Variants in MMAB observed in about 807,000 individuals in gnomAD.
MMAB encodes the protein metabolism of cobalamin associated B, also known as corrinoid adenosyltransferase MMAB.
In MMAB, 17 loss-of-function variants were observed where a neutral mutation model predicts 30.6. The observed-to-expected ratio is 0.56, with a 90% CI of 0.38 to 0.83. The LOEUF (loss-of-function observed/expected upper bound fraction) is 0.83, where lower values mean the gene tolerates loss of function less well. Ranked by LOEUF, MMAB falls within the 40% of genes least tolerant of loss-of-function variation. The pLI is 0.00. For synonymous variants in MMAB, 134 were observed against 138.6 expected (o/e 0.97, Z 0.23); for missense variants, 311 against 331.6 (o/e 0.94, Z 0.48).
intron 2 of MMAB, 43 bp downstream of exon 2, chr12:109,571,606 G>A: frequency 6.5e-7 from 1 of 1,548,562 alleles, no homozygotes; most frequent in South Asian, 1.1e-5. Flanking sequence ...AATGGTGTAT[G>A]CCATGAGTAT....
chr12:109,561,078 C>A lies in MMAB; in HGVS notation c.546G>T (p.Leu182=), dbSNP rs1884180044. The change falls in exon 7 of 9, where the codon CTG becomes CTT. Residue 182 remains leucine (L), a synonymous_variant. Transcript: ENST00000545712. The surrounding 1 kb of genome is among the most constrained non-coding windows in gnomAD (Gnocchi z 5.3). ...LPSGGKISSA[L]HFCRAVCRRA... is the part of the protein sequence containing the mutation. ...GGCGGCACACGGCCCGGCAGAAATGCAGCGCCGAGCTGATCTTGCCTCCCG... is the reference window on the plus strand; with the variant it reads ...GGCGGCACACGGCCCGGCAGAAATGAAGCGCCGAGCTGATCTTGCCTCCCG... 2 of 1,610,758 alleles carry A rather than the reference C, an allele frequency of 1.2e-6. No homozygotes were observed. The highest frequency in any genetic ancestry group is 1.7e-6 in the Non-Finnish European group (2 of 1,179,920).
intron 2 of MMAB, among the ~76,000 whole-genome samples, chr12:109,570,453 C>T (rs1884593076): frequency 6.6e-6 from 1 of 152,168 alleles, no homozygotes; most frequent in Non-Finnish European, 1.5e-5. Context: ...TTTGACCCTT[C>T]TTAAGTTTAC....
intron 1 of MMAB, 59 bp downstream of exon 1, chr12:109,573,288 G>A (rs934926755): frequency 1.2e-6 from 2 of 1,608,870 alleles, no homozygotes; most frequent in African/African-American, 2.7e-5. Context: ...ACGTACCCAT[G>A]GCGACGACAC....
chr12:109,557,965 C>T (rs1406098603), intron 8 of MMAB, among the ~76,000 whole-genome samples: 2 of 152,214 alleles, frequency 1.3e-5, no homozygotes, highest in Non-Finnish European at 1.5e-5. Flanking sequence ...GCTGTCAGCT[C>T]TTCTGCCTTC....
At position 109,561,056 on chromosome 12, in the gene MMAB, G is replaced by A. The variant is rs398124434; in HGVS notation, c.568C>T (p.Arg190Cys). ...SALHFCRAVC[R>C]RAERRVVPLV... Reference sequence around the variant, plus strand: ...CCCTCTTACCGTCTCTCGGCCCGGCGGCACACGGCCCGGCAGAAATGCAGC... The same window carrying A: ...CCCTCTTACCGTCTCTCGGCCCGGCAGCACACGGCCCGGCAGAAATGCAGC... The change falls in exon 7 of 9, where the codon CGC becomes TGC. Residue 190 changes from arginine to cysteine, a missense_variant. By Grantham distance (180) the Arg-to-Cys change is radical. Coordinates refer to ENST00000545712, the MANE Select transcript of MMAB (RefSeq NM_052845.4). The surrounding 1 kb of genome is among the most constrained non-coding windows in gnomAD (Gnocchi z 5.3). 14 of 1,563,662 alleles carry A rather than the reference G, an allele frequency of 9.0e-6. No individual in the cohort carries two copies. Among genetic ancestry groups the A allele is most frequent in the Non-Finnish European group, 1.2e-5 (14 of 1,150,596 alleles).
chr12:109,560,037 C>T (rs1884135926), intron 7 of MMAB, among the ~76,000 whole-genome samples: 1 of 152,244 alleles, frequency 6.6e-6, no homozygotes, highest in Admixed American at 6.5e-5. Flanking sequence ...TGCCTGTTTT[C>T]GGGGCCTTTG....
intron 1 of MMAB, 146 bp from the exon 2 acceptor site, chr12:109,571,856 C>A (rs1474830150): frequency 6.9e-6 from 5 of 725,600 alleles, no homozygotes; most frequent in South Asian, 4.5e-5. Flanking sequence ...TTGTTGATTT[C>A]TTTCCCCTAG....
chr12:109,567,082 C>T (rs934177657), intron 3 of MMAB: 1 of 455,234 alleles, frequency 2.2e-6, no homozygotes, highest in Non-Finnish European at 4.4e-6. Flanking sequence ...AATGAGGAGA[C>T]TCGCTTGAAC....
intron 4 of MMAB, among the ~76,000 whole-genome samples, chr12:109,563,180 C>T (rs1269786765): frequency 6.6e-6 from 1 of 152,240 alleles, no homozygotes; most frequent in Non-Finnish European, 1.5e-5. Flanking sequence ...AGTGATAATA[C>T]TACCCACTTG....
intron 3 of MMAB, chr12:109,567,779 G>A (rs1392659091): frequency 6.6e-6 from 1 of 152,160 alleles, no homozygotes; most frequent in African/African-American, 2.4e-5. Context: ...CTACAGGTGT[G>A]CACCACCACG....
At position 109,555,012 on chromosome 12, in the gene MMAB, GA is replaced by G; in HGVS notation, c.*2015del. 2.2e-6 allele frequency: 1 copy of G among 454,110 alleles called. No homozygotes were observed. The highest frequency in any genetic ancestry group is 4.4e-6 in the Non-Finnish European group (1 of 226,794). The allele number at this position is 454,110 out of a possible 1,614,324, so 28.1% of individuals were successfully genotyped here. ...ATCCAGGCTGTGACACCCGGTCCTG[GA>G]AGGACAGGACTTGGCAACAGGTGAA... On this transcript the variant is annotated 3_prime_UTR_variant, in exon 9 of 9. Coordinates refer to ENST00000545712, the MANE Select transcript of MMAB (RefSeq NM_052845.4).
Position 109,554,350 on chromosome 12 carries a change from T to C in MMAB, c.*2678A>G, listed in dbSNP as rs1404460289. ...CACAAGAGCCAACTGCCAGCTTGTC[T>C]CTGGAAATGACACTAAACACCCCAT... On this transcript the variant is annotated 3_prime_UTR_variant, in exon 9 of 9. Transcript: ENST00000545712. The C allele has an allele frequency of 6.6e-6, 3 of 453,984 alleles. No homozygotes were observed. Among genetic ancestry groups the C allele is most frequent in the African/African-American group, 6.0e-5 (3 of 49,984 alleles). The allele number at this position is 453,984 out of a possible 1,614,324, so 28.1% of individuals were successfully genotyped here.
At chr12:109,559,251 C>A in intron 7 of MMAB, 96 bp from the exon 8 acceptor site, 1 of 918,600 alleles carries the variant, frequency 1.1e-6, no homozygotes, top group Non-Finnish European at 1.8e-6. Context: ...CATCCTGCCA[C>A]CGCTCAACCT....
chr12:109,566,208 C>T (rs1316169656), intron 3 of MMAB, among the ~76,000 whole-genome samples: 1 of 152,232 alleles, frequency 6.6e-6, no homozygotes. Context: ...CTCCTATCAC[C>T]TACTGGTGCC....
intron 3 of MMAB, among the ~76,000 whole-genome samples, chr12:109,565,427 G>A (rs1884384233): frequency 6.6e-6 from 1 of 152,154 alleles, no homozygotes; most frequent in Non-Finnish European, 1.5e-5. Context: ...ACTCTGGCCA[G>A]GCCCAGGAGA....
At chr12:109,560,970 T>TCCC in intron 7 of MMAB, 70 bp downstream of exon 7, 2 of 808,206 alleles carry the variant, frequency 2.5e-6, no homozygotes, top group Non-Finnish European at 4.1e-6. Context: ...CTCCTCTCCC[T>TCCC]CTCCCTCCCC....
At chr12:109,560,970 T>TGGGGGGGGG in intron 7 of MMAB, 70 bp downstream of exon 7, 4 of 808,166 alleles carry the variant, frequency 4.9e-6, no homozygotes, top group East Asian at 2.8e-5. Context: ...CTCCTCTCCC[T>TGGGGGGGGG]CTCCCTCCCC....
Position 109,556,147 on chromosome 12 carries a change from C to T in MMAB, c.*881G>A. On this transcript the variant is annotated 3_prime_UTR_variant, in exon 9 of 9. Transcript: ENST00000545712. Reference sequence around the variant, plus strand: ...TAGCAGGAGGGAGCAGCAGTGACAACTGAAATAAATACAGCCGTGGCACCG... The same window carrying T: ...TAGCAGGAGGGAGCAGCAGTGACAATTGAAATAAATACAGCCGTGGCACCG... 1 of 453,120 alleles carries T rather than the reference C, an allele frequency of 2.2e-6. No homozygotes were observed. Among genetic ancestry groups the T allele is most frequent in the Non-Finnish European group, 4.4e-6 (1 of 225,946 alleles). 28.1% of individuals were successfully genotyped at this position (453,120 alleles called of 1,614,324 possible).
At position 109,556,158 on chromosome 12, in the gene MMAB, A is replaced by G. The variant is rs111525308; in HGVS notation, c.*870T>C. 3.3e-5 allele frequency: 15 copies of G among 453,470 alleles called. No homozygotes were observed. Among genetic ancestry groups the G allele is most frequent in the African/African-American group, 1.6e-4 (8 of 50,114 alleles). The allele number at this position is 453,470 out of a possible 1,614,324, so 28.1% of individuals were successfully genotyped here. A position where few individuals can be genotyped will look rare whatever the true frequency, so the allele number is the denominator to read the frequency against. ...AGCAGCAGTGACAACTGAAATAAAT[A>G]CAGCCGTGGCACCGATCTCAGAGGC... is the stretch of plus-strand genomic sequence containing the variant. On this transcript the variant is annotated 3_prime_UTR_variant, in exon 9 of 9. Transcript: ENST00000545712.
Sources: allele counts gnomAD v4.1 joint callset (sites outside exome capture counted in the v4.1 genomes callset), GRCh38; gene constraint gnomAD v4.1.1; non-coding constraint Gnocchi (gnomAD v3.1); transcripts MANE v1.5; gene names NCBI Gene and HGNC (gene_info 2026-07-23, HGNC 2026-07-21).